UMODL1: variants seen among roughly 807,000 people sequenced by gnomAD.
UMODL1 encodes the protein uromodulin-like 1.
Under a neutral mutation model 136.3 loss-of-function variants are expected in UMODL1, and 128 were observed. The ratio of observed to expected loss-of-function variants is 0.94; its 90% CI spans 0.81 to 1.09. UMODL1 has a LOEUF of 1.09. UMODL1 is among the 50% of genes least tolerant of loss of function. The probability of loss-of-function intolerance (pLI) is 0.00; values close to 1 mark genes in which losing one functional copy is unlikely to be tolerated. For missense variants in UMODL1, 1,766 were observed against 1,725.6 expected (o/e 1.02, Z -0.41); for synonymous variants, 721 against 720.0 (o/e 1.00, Z -0.02).
intron 6 of UMODL1, among the ~76,000 whole-genome samples, chr21:42,095,089 G>GTTT (rs58764222): frequency 0.017 from 1,041 of 61,168 alleles, 154 homozygotes; most frequent in African/African-American, 0.062. Context: ...TTCTTCTGCT[G>GTTT]TTTTTTTTTT....
At chr21:42,125,604 C>T (rs1403059695) in intron 17 of UMODL1, among the ~76,000 whole-genome samples, 1 of 152,206 alleles carries the variant, frequency 6.6e-6, no homozygotes, top group Non-Finnish European at 1.5e-5. Flanking sequence ...CTTAGACGGC[C>T]ACCTGGAGGC....
In UMODL1 at chr21:42,127,093, G is replaced by A. The variant is rs1225589315; in HGVS notation, c.3381G>A (p.Gln1127=). Residue 1127 remains glutamine, a synonymous_variant, in exon 19 of 23, where the codon CAG becomes CAA. Transcript: ENST00000408910. ...QLFIGDSPIP[Q]NYSVSASDDV... ...TTATCGGAGACTCTCCCATACCTCA[G>A]AATTATAGCGTGTCTGCCAGTGACG... 1.2e-6 allele frequency: 2 copies of A among 1,614,176 alleles called. No individual in the cohort carries two copies. Among genetic ancestry groups the A allele is most frequent in the South Asian group, 2.2e-5 (2 of 91,088 alleles).
rs146032034 is a variant in UMODL1, at chr21:42,104,079, G to C, written c.1511G>C (p.Arg504Pro). 6.2e-7 allele frequency: 1 copy of C among 1,610,182 alleles called. No individual in the cohort carries two copies. Among genetic ancestry groups the C allele is most frequent in the Non-Finnish European group, 8.5e-7 (1 of 1,177,548 alleles). ...TTCCAGATTGACCGGCAGGGGACAC[G>C]CGTGCAAGGTATGGCCCAGCCACCC... ...TVFQIDRQGTRVQDWDECVDS... is the reference protein window; with the variant it reads ...TVFQIDRQGTPVQDWDECVDS... The change falls in exon 9 of 23, where the codon CGC (arginine) becomes CCC (proline). Residue 504 changes from arginine to proline, a missense_variant. Physicochemically the swap from Arg to Pro is moderately radical, Grantham distance 103. Transcript: ENST00000408910.
chr21:42,110,826 C>A (rs1275613835), intron 10 of UMODL1, 54 bp from the exon 11 acceptor site: 2 of 1,506,628 alleles, frequency 1.3e-6, no homozygotes, highest in Non-Finnish European at 9.0e-7. Context: ...CCTGGGAGGG[C>A]TCTTACTCGT....
chr21:42,099,182 T>G lies in UMODL1; in HGVS notation c.1186+2T>G. The G allele has an allele frequency of 6.2e-7, 1 of 1,610,310 alleles. No homozygotes were observed. The highest frequency in any genetic ancestry group is 1.1e-5 in the South Asian group (1 of 90,962). On this transcript the variant is annotated splice_donor_variant, in intron 7 of 22. Transcript: ENST00000408910. LOFTEE classifies it high-confidence loss of function. This position sits in a 1 kb window ranked among gnomAD's most constrained non-coding sequence, Gnocchi z 4.1. ...CCACCACGCTGACCATCAAAACCAG[T>G]AAGGCCCCCAGTCAGAGACCCACGT...
chr21:42,116,616 GTT>G (rs34717803), intron 14 of UMODL1, among the ~76,000 whole-genome samples: 4 of 145,654 alleles, frequency 2.7e-5, no homozygotes, highest in Middle Eastern at 3.6e-3. Context: ...TCCCTCCACG[GTT>G]TTTTTTTTTT....
In UMODL1 at chr21:42,076,073, G is replaced by A. The variant is rs1233055585; in HGVS notation, c.145G>A (p.Glu49Lys). 1 of 1,614,158 alleles carries A rather than the reference G, an allele frequency of 6.2e-7. No individual in the cohort carries two copies. The highest frequency in any genetic ancestry group is 1.3e-5 in the African/African-American group (1 of 74,948). ...HRVTHTVQKV[E>K]AVQTSYTSYV... ...TGTGACCCACACTGTACAGAAGGTG[G>A]AGGCCGTGCAGACGTCCTACACGTC... Residue 49 changes from glutamate (E) to lysine (K), a missense_variant, in exon 2 of 23, where the codon GAG (glutamate) becomes AAG (lysine). Glu to Lys is a moderately conservative substitution (Grantham distance 56). Transcript: ENST00000408910.
chr21:42,075,969 G>A, intron 1 of UMODL1, 36 bp from the exon 2 acceptor site: 3 of 1,609,620 alleles, frequency 1.9e-6, no homozygotes, highest in Non-Finnish European at 2.5e-6. Context: ...TCTGATCCTG[G>A]TGTTCTCAGT....
At position 42,117,528 on chromosome 21, in the gene UMODL1, G is replaced by C. The variant is rs140811679; in HGVS notation, c.2475+1543G>C. On this transcript the variant is annotated intron_variant, in intron 14 of 22. Coordinates refer to ENST00000408910, the MANE Select transcript of UMODL1 (RefSeq NM_001004416.3). ...TTTTTGAGGTATAGGGAGTGCCCTT[G>C]TCATAATCTAGTGATTTTGTTTGCA... Among the ~76,000 whole-genome samples the C allele has an allele frequency of 3.9e-5, 6 of 152,322 alleles. No individual in the cohort carries two copies. The East Asian group carries it at 1.2e-3, about 29-fold the overall frequency.
chr21:42,127,168 G>A lies in UMODL1; in HGVS notation c.3456G>A (p.Val1152=), dbSNP rs773466744. ...ACAGGCAGAAAAGCAACCTCAAGGT[G>A]GTCCTGACGGAGTGCTGGGCAACCC... ...GLYRQKSNLK[V]VLTECWATPS... is the part of the protein sequence containing the mutation. The change falls in exon 19 of 23, where the codon GTG becomes GTA. Residue 1152 remains valine (V), a synonymous_variant. Coordinates refer to ENST00000408910, the MANE Select transcript of UMODL1 (RefSeq NM_001004416.3). 1 of 1,614,186 alleles carries A rather than the reference G, an allele frequency of 6.2e-7. No homozygotes were observed. Among genetic ancestry groups the A allele is most frequent in the Non-Finnish European group, 8.5e-7 (1 of 1,180,044 alleles).
upstream of UMODL1, among the ~76,000 whole-genome samples, chr21:42,068,378 C>T (rs77319760): frequency 0.039 from 5,954 of 152,262 alleles, 215 homozygotes; most frequent in East Asian, 0.21. The surrounding 1 kb of genome is among the most constrained non-coding windows in gnomAD (Gnocchi z 5.5). Context: ...GGTCCCCACA[C>T]ACACCCCGAG....
At chr21:42,096,486 T>A (rs2066559307) in intron 6 of UMODL1, among the ~76,000 whole-genome samples, 1 of 152,224 alleles carries the variant, frequency 6.6e-6, no homozygotes, top group Admixed American at 6.5e-5. Flanking sequence ...CCTGTGAGAC[T>A]TCTTTCCAAA....
intron 21 of UMODL1, among the ~76,000 whole-genome samples, chr21:42,136,226 G>A (rs1052035344): frequency 6.6e-6 from 1 of 152,174 alleles, no homozygotes; most frequent in Admixed American, 6.5e-5. Context: ...TGAAATTCAC[G>A]TAACCTCAAG....
intron 9 of UMODL1, 81 bp from the exon 10 acceptor site, chr21:42,109,481 G>T: frequency 1.9e-6 from 3 of 1,571,390 alleles, no homozygotes; most frequent in East Asian, 4.5e-5. Context: ...GGCTAGGAAG[G>T]ACTCCTTCCA....
chr21:42,123,272 G>C lies in UMODL1; in HGVS notation c.3147+122G>C. ...ACCCCGAGGGGAACCCAGCAAGGGGGGTTCAGGACAGGGTTGAGTTCTCAA... is the reference window on the plus strand; with the variant it reads ...ACCCCGAGGGGAACCCAGCAAGGGGCGTTCAGGACAGGGTTGAGTTCTCAA... On this transcript the variant is annotated intron_variant, in intron 17 of 22. Transcript: ENST00000408910. This position sits in a 1 kb window ranked among gnomAD's most constrained non-coding sequence, Gnocchi z 4.4. 8.5e-7 allele frequency: 1 copy of C among 1,181,086 alleles called. No individual in the cohort carries two copies. Among genetic ancestry groups the C allele is most frequent in the Non-Finnish European group, 1.2e-6 (1 of 860,926 alleles). The allele number at this position is 1,181,086 out of a possible 1,614,324, so 73.2% of individuals were successfully genotyped here. A position where few individuals can be genotyped will look rare whatever the true frequency, so the allele number is the denominator to read the frequency against.
intron 13 of UMODL1, 29 bp downstream of exon 13, chr21:42,113,859 G>C: frequency 6.3e-7 from 1 of 1,595,838 alleles, no homozygotes. Flanking sequence ...TTTTTAAAGA[G>C]AGGAACAAAA....
chr21:42,092,596 G>C (rs1161675810), intron 6 of UMODL1, among the ~76,000 whole-genome samples: 1 of 152,194 alleles, frequency 6.6e-6, no homozygotes. Flanking sequence ...TTGCTTTCAA[G>C]AGTCTGGAAC....
Position 42,125,620 on chromosome 21 carries a change from G to A in UMODL1, c.3148-725G>A, listed in dbSNP as rs548616480. On this transcript the variant is annotated intron_variant, in intron 17 of 22. Transcript: ENST00000408910. The stretch of plus-strand genomic sequence containing the variant: ...TTAGACGGCCACCTGGAGGCCGAGC[G>A]TTGGCAGCAGGGGGGTGTCTGCAAG... Among the ~76,000 whole-genome samples, 11 of 152,310 alleles carry A rather than the reference G, an allele frequency of 7.2e-5. No homozygotes were observed. In the East Asian group the frequency reaches 1.2e-3, roughly 16 times the overall value.
At position 42,127,139 on chromosome 21, in the gene UMODL1, C is replaced by T. The variant is rs779754361; in HGVS notation, c.3427C>T (p.Leu1143Phe). Residue 1143 changes from leucine to phenylalanine, a missense_variant, in exon 19 of 23, where the codon CTC becomes TTC. Coordinates refer to ENST00000408910, the MANE Select transcript of UMODL1 (RefSeq NM_001004416.3). ...ASDDVRIEVG[L>F]YRQKSNLKVV... is the part of the protein sequence containing the mutation. ...TGACGATGTCAGGATCGAAGTGGGG[C>T]TCTACAGGCAGAAAAGCAACCTCAA... 6.2e-7 allele frequency: 1 copy of T among 1,614,170 alleles called. No homozygotes were observed. Among genetic ancestry groups the T allele is most frequent in the Non-Finnish European group, 8.5e-7 (1 of 1,180,040 alleles).
Sources: allele counts gnomAD v4.1 joint callset (sites outside exome capture counted in the v4.1 genomes callset), GRCh38; gene constraint gnomAD v4.1.1; non-coding constraint Gnocchi (gnomAD v3.1); transcripts MANE v1.5; gene names NCBI Gene and HGNC (gene_info 2026-07-23, HGNC 2026-07-21).